TAFA1: variants seen among roughly 807,000 people sequenced by gnomAD.
TAFA1 encodes chemokine-like protein TAFA-1.
A neutral mutation model predicts 18.5 loss-of-function variants in TAFA1; 4 were observed. The observed-to-expected ratio is 0.22, with a 90% CI of 0.11 to 0.49. The LOEUF (loss-of-function observed/expected upper bound fraction) is 0.49, where lower values mean the gene tolerates loss of function less well. Among genes scored for constraint, TAFA1 ranks in the 20% least tolerant of loss-of-function variants. TAFA1 has a pLI of 0.98. For synonymous variants in TAFA1, 56 were observed against 55.2 expected (o/e 1.01, Z -0.06); for missense variants, 147 against 169.0 (o/e 0.87, Z 0.72).
At chr3:68,532,744 G>A (rs2073209179) in intron 3 of TAFA1, among the ~76,000 whole-genome samples, 1 of 151,894 alleles carries the variant, frequency 6.6e-6, no homozygotes, top group South Asian at 2.1e-4. Flanking sequence ...ATAACCTGAA[G>A]GTTTTCAGGT....
chr3:68,436,161 TAA>T (rs1277899607), intron 3 of TAFA1, among the ~76,000 whole-genome samples: 4 of 152,202 alleles, frequency 2.6e-5, no homozygotes, highest in Non-Finnish European at 5.9e-5. Flanking sequence ...TTCTAATTTA[TAA>T]ATCTTCCATG....
At chr3:68,355,449 A>G (rs567691136) in intron 2 of TAFA1, among the ~76,000 whole-genome samples, 65 of 152,098 alleles carry the variant, frequency 4.3e-4, no homozygotes, top group African/African-American at 1.5e-3. Flanking sequence ...GAACTGAGTC[A>G]GTAGGATTGT....
chr3:68,014,053 T>C (rs1704524501), intron 2 of TAFA1, among the ~76,000 whole-genome samples: 1 of 152,226 alleles, frequency 6.6e-6, no homozygotes, highest in African/African-American at 2.4e-5. Context: ...AGACCTTCTT[T>C]TCTAGGTGTG....
chr3:68,448,808 T>TA (rs1460079938), intron 3 of TAFA1, among the ~76,000 whole-genome samples: 2 of 152,198 alleles, frequency 1.3e-5, no homozygotes, highest in East Asian at 3.8e-4. Flanking sequence ...TTTCTCACTG[T>TA]AAAATGGGAC....
intron 2 of TAFA1, among the ~76,000 whole-genome samples, chr3:68,297,535 G>C (rs2107290740): frequency 6.6e-6 from 1 of 152,192 alleles, no homozygotes. Context: ...TAAACATTCG[G>C]CTAGTGATTC....
At chr3:68,401,130 CAT>C (rs1156318899) in intron 2 of TAFA1, among the ~76,000 whole-genome samples, 31 of 152,086 alleles carry the variant, frequency 2.0e-4, no homozygotes, top group African/African-American at 7.0e-4. Context: ...TTCACAAACA[CAT>C]ATAAAATTGC....
At chr3:68,377,380 T>C (rs886660019) in intron 2 of TAFA1, among the ~76,000 whole-genome samples, 3 of 152,168 alleles carry the variant, frequency 2.0e-5, no homozygotes, top group African/African-American at 4.8e-5. Flanking sequence ...GAGGAACTTA[T>C]CTGGCACTGG....
rs754121777 is a variant in TAFA1, at chr3:68,417,403, G to A, written c.242G>A (p.Arg81Gln). 3.9e-5 allele frequency: 63 copies of A among 1,613,422 alleles called. No homozygotes were observed. The highest frequency in any genetic ancestry group is 1.7e-4 in the Middle Eastern group (1 of 6,056). ...AAAGTGGCTGGAACAACAAGAAACC[G>A]GCCTTCTTGCGTCGATGGTAGGTAC... is the stretch of plus-strand genomic sequence containing the variant. ...PGKVAGTTRNRPSCVDASIVI... is the reference protein window; with the variant it reads ...PGKVAGTTRNQPSCVDASIVI... Residue 81 changes from arginine (R) to glutamine (Q), a missense_variant, in exon 3 of 5, where the codon CGG becomes CAG. Physicochemically the swap from Arg to Gln is conservative, Grantham distance 43. Transcript: ENST00000478136.
At chr3:68,050,406 G>GC (rs1158956494) in intron 2 of TAFA1, among the ~76,000 whole-genome samples, 3 of 152,162 alleles carry the variant, frequency 2.0e-5, no homozygotes, top group Non-Finnish European at 4.4e-5. Context: ...GGAAATAGAA[G>GC]CCCTCAGGGT....
At chr3:68,437,420 G>A (rs1159639903) in intron 3 of TAFA1, among the ~76,000 whole-genome samples, 1 of 152,062 alleles carries the variant, frequency 6.6e-6, no homozygotes, top group Non-Finnish European at 1.5e-5. Context: ...TCTGCATCTG[G>A]TTAATTTATA....
chr3:68,452,677 A>G (rs1299311111), intron 3 of TAFA1, among the ~76,000 whole-genome samples: 1 of 152,198 alleles, frequency 6.6e-6, no homozygotes, highest in East Asian at 1.9e-4. Context: ...CATGTGCCCC[A>G]GTCAAAGAGG....
At chr3:68,171,499 G>A (rs1159659403) in intron 2 of TAFA1, among the ~76,000 whole-genome samples, 1 of 152,120 alleles carries the variant, frequency 6.6e-6, no homozygotes, top group Non-Finnish European at 1.5e-5. Flanking sequence ...AGGGGTGAAG[G>A]AGGATCTGAT....
chr3:68,246,589 C>CA (rs63748968), intron 2 of TAFA1, among the ~76,000 whole-genome samples: 4,257 of 55,232 alleles, frequency 0.077, 1,271 homozygotes, highest in Non-Finnish European at 0.11. Context: ...GACTCCGTCT[C>CA]AAAAAAAAAA....
At chr3:68,284,993 T>C (rs1365494641) in intron 2 of TAFA1, among the ~76,000 whole-genome samples, 1 of 151,904 alleles carries the variant, frequency 6.6e-6, no homozygotes, top group Non-Finnish European at 1.5e-5. Context: ...GAGGCTGAGG[T>C]GGGAGGATCA....
intron 3 of TAFA1, among the ~76,000 whole-genome samples, chr3:68,482,393 G>T (rs969418742): frequency 6.6e-6 from 1 of 152,170 alleles, no homozygotes; most frequent in Non-Finnish European, 1.5e-5. Context: ...GGAAGCCTCT[G>T]CAAAAGAGAA....
chr3:68,204,871 G>T (rs568011578), intron 2 of TAFA1, among the ~76,000 whole-genome samples: 3 of 151,806 alleles, frequency 2.0e-5, no homozygotes, highest in Non-Finnish European at 4.4e-5. Flanking sequence ...TCTACAGCCT[G>T]TTCTCACTGT....
chr3:68,367,644 A>C (rs1033087695), intron 2 of TAFA1, among the ~76,000 whole-genome samples: 5 of 152,178 alleles, frequency 3.3e-5, no homozygotes, highest in African/African-American at 1.2e-4. Flanking sequence ...CCTCGGACAC[A>C]TTATAATCGC....
At chr3:68,170,199 A>C (rs542151670) in intron 2 of TAFA1, among the ~76,000 whole-genome samples, 2 of 152,322 alleles carry the variant, frequency 1.3e-5, no homozygotes, top group Admixed American at 1.3e-4. Context: ...ATAGACACAC[A>C]ACCGTGGTAC....
intron 2 of TAFA1, among the ~76,000 whole-genome samples, chr3:68,189,018 C>G (rs1197957525): frequency 6.6e-6 from 1 of 151,788 alleles, no homozygotes; most frequent in Admixed American, 6.6e-5. Context: ...TGGTGGTACA[C>G]TAACGATTAT....
Sources: allele counts gnomAD v4.1 joint callset (sites outside exome capture counted in the v4.1 genomes callset), GRCh38; gene constraint gnomAD v4.1.1; transcripts MANE v1.5; gene names NCBI Gene and HGNC (gene_info 2026-07-23, HGNC 2026-07-21).